HHAT: variants seen among roughly 807,000 people sequenced by gnomAD.
The protein encoded by HHAT is protein-cysteine N-palmitoyltransferase HHAT.
HHAT carries 47 observed loss-of-function variants against 70.8 expected under a neutral mutation model. That is an observed-to-expected ratio of 0.66 (90% CI 0.53 to 0.85). The LOEUF (loss-of-function observed/expected upper bound fraction) is 0.85, where lower values mean the gene tolerates loss of function less well. Ranked by LOEUF, HHAT falls within the 40% of genes least tolerant of loss-of-function variation. The pLI, the probability that HHAT is intolerant of heterozygous loss-of-function variation, is 0.00. For synonymous variants in HHAT, 228 were observed against 247.6 expected (o/e 0.92, Z 0.74); for missense variants, 609 against 604.8 (o/e 1.01, Z -0.07).
At chr1:210,424,470 G>A (rs1261672543) in intron 7 of HHAT, among the ~76,000 whole-genome samples, 1 of 145,958 alleles carries the variant, frequency 6.9e-6, no homozygotes, top group East Asian at 2.0e-4. Context: ...AGGGGTACGT[G>A]TGCAAGTTTA....
chr1:210,489,883 C>A (rs182383239), intron 8 of HHAT, among the ~76,000 whole-genome samples: 1 of 152,250 alleles, frequency 6.6e-6, no homozygotes, highest in East Asian at 1.9e-4. Context: ...CAGTCCCAGT[C>A]CTTTGTGAAG....
chr1:210,509,784 A>C (rs983459781), intron 8 of HHAT, among the ~76,000 whole-genome samples: 7 of 152,198 alleles, frequency 4.6e-5, no homozygotes, highest in African/African-American at 1.4e-4. Context: ...ACATGATCCA[A>C]GGAAAGTGAG....
intron 7 of HHAT, among the ~76,000 whole-genome samples, chr1:210,439,976 A>AGGATAAAACTTCT (rs1428178344): frequency 1.7e-4 from 26 of 151,996 alleles, no homozygotes; most frequent in Admixed American, 1.2e-3. Context: ...AATAAAGCTA[A>AGGATAAAACTTCT]GGATAAAACT....
chr1:210,629,852 GTTTTTTT>G (rs367905358), intron 11 of HHAT, among the ~76,000 whole-genome samples: 28,240 of 142,400 alleles, frequency 0.2, 2,907 homozygotes, highest in Middle Eastern at 0.28. Flanking sequence ...TTTGTTTTTT[GTTTTTTT>G]TTTTTGAGAC....
chr1:210,378,720 G>A (rs2090414781), intron 3 of HHAT, among the ~76,000 whole-genome samples: 1 of 151,700 alleles, frequency 6.6e-6, no homozygotes, highest in Non-Finnish European at 1.5e-5. Context: ...ATACATAAAT[G>A]CATTTGTGAC....
intron 8 of HHAT, among the ~76,000 whole-genome samples, chr1:210,474,557 C>T (rs1054192894): frequency 2.0e-5 from 3 of 152,196 alleles, no homozygotes; most frequent in Non-Finnish European, 4.4e-5. Context: ...CTGTCTTTTG[C>T]CATAGTCTGT....
chr1:210,356,141 G>A (rs1420349320), intron 2 of HHAT, among the ~76,000 whole-genome samples: 1 of 150,024 alleles, frequency 6.7e-6, no homozygotes, highest in African/African-American at 2.5e-5. Context: ...TGCCCAGGCT[G>A]GTCTTAAACC....
intron 1 of HHAT, among the ~76,000 whole-genome samples, chr1:210,344,035 GAC>G (rs1336363722): frequency 1.3e-5 from 2 of 152,106 alleles, no homozygotes; most frequent in African/African-American, 4.8e-5. Flanking sequence ...ACCAATAAAT[GAC>G]ACAGCCTGGG....
chr1:210,609,442 G>A (rs1402765375), intron 10 of HHAT, among the ~76,000 whole-genome samples: 1 of 152,070 alleles, frequency 6.6e-6, no homozygotes, highest in Admixed American at 6.6e-5. Context: ...CTTGCAAATT[G>A]TTGATATTCA....
intron 11 of HHAT, among the ~76,000 whole-genome samples, chr1:210,644,371 C>T (rs576933659): frequency 3.3e-5 from 5 of 152,114 alleles, no homozygotes; most frequent in East Asian, 1.9e-4. Context: ...GGGAGGCCAA[C>T]GCAGGCGGAT....
intron 4 of HHAT, among the ~76,000 whole-genome samples, chr1:210,400,126 T>C (rs1344092909): frequency 6.6e-6 from 1 of 152,178 alleles, no homozygotes; most frequent in Admixed American, 6.5e-5. Flanking sequence ...TCCAGCTGTC[T>C]TCTGGCTTCC....
intron 1 of HHAT, among the ~76,000 whole-genome samples, chr1:210,337,757 C>T (rs2085631522): frequency 6.6e-6 from 1 of 152,096 alleles, no homozygotes; most frequent in South Asian, 2.1e-4. Context: ...TGGCAAAATC[C>T]CTTTTGCTGT....
chr1:210,446,318 A>G (rs1053580486), intron 7 of HHAT, among the ~76,000 whole-genome samples: 1 of 152,156 alleles, frequency 6.6e-6, no homozygotes, highest in African/African-American at 2.4e-5. Flanking sequence ...TTCTTGAAAG[A>G]TTATTGTTTG....
chr1:210,339,531 C>G (rs975445876), intron 1 of HHAT, among the ~76,000 whole-genome samples: 4 of 152,174 alleles, frequency 2.6e-5, no homozygotes, highest in African/African-American at 9.7e-5. Context: ...CCTCTTGCCT[C>G]TGTTCTTTTG....
At chr1:210,417,498 G>A (rs1184550464) in intron 6 of HHAT, among the ~76,000 whole-genome samples, 1 of 152,166 alleles carries the variant, frequency 6.6e-6, no homozygotes, top group Non-Finnish European at 1.5e-5. Flanking sequence ...GCCTCCCAAA[G>A]TCCTGGGATT....
At chr1:210,390,057 G>A (rs1376812441) in intron 4 of HHAT, among the ~76,000 whole-genome samples, 1 of 151,992 alleles carries the variant, frequency 6.6e-6, no homozygotes, top group Non-Finnish European at 1.5e-5. Flanking sequence ...GGAAAAGTGG[G>A]ACAAAGAGAA....
At chr1:210,456,411 C>T (rs2093869240) in intron 7 of HHAT, among the ~76,000 whole-genome samples, 1 of 152,208 alleles carries the variant, frequency 6.6e-6, no homozygotes, top group Admixed American at 6.5e-5. Context: ...AACTGCTCAC[C>T]AGCCAGATGC....
chr1:210,415,123 T>C (rs910760425), intron 6 of HHAT, among the ~76,000 whole-genome samples: 9 of 152,386 alleles, frequency 5.9e-5, no homozygotes, highest in African/African-American at 1.9e-4. Flanking sequence ...GATTATTTTA[T>C]GCACATTGAA....
intron 2 of HHAT, among the ~76,000 whole-genome samples, chr1:210,355,798 A>G (rs1218766884): frequency 1.3e-5 from 2 of 152,224 alleles, no homozygotes; most frequent in Non-Finnish European, 2.9e-5. Context: ...TTCACTTCTA[A>G]GTTTGTCTAG....
Sources: allele counts gnomAD v4.1 joint callset (sites outside exome capture counted in the v4.1 genomes callset), GRCh38; gene constraint gnomAD v4.1.1; transcripts MANE v1.5; gene names NCBI Gene and HGNC (gene_info 2026-07-23, HGNC 2026-07-21).